The following OPCML variants were observed in gnomAD, a reference collection of about 807,000 sequenced individuals.
The protein encoded by OPCML is opioid binding protein/cell adhesion molecule like, also known as opioid-binding protein/cell adhesion molecule.
OPCML carries 13 observed loss-of-function variants against 37.8 expected under a neutral mutation model. The ratio of observed to expected loss-of-function variants is 0.34; its 90% CI spans 0.22 to 0.55. The LOEUF is 0.55. OPCML is among the 20% of genes least tolerant of loss of function. The pLI, the probability that OPCML is intolerant of heterozygous loss-of-function variation, is 0.91. For missense variants in OPCML, 341 were observed against 435.6 expected, an observed-to-expected ratio of 0.78 and a Z score of 1.93; for synonymous variants, 176 against 168.8, an observed-to-expected ratio of 1.04 and a Z score of -0.33.
intron 3 of OPCML, among the ~76,000 whole-genome samples, chr11:132,596,949 T>C (rs2096493356): frequency 6.6e-6 from 1 of 152,224 alleles, no homozygotes; most frequent in Non-Finnish European, 1.5e-5. Flanking sequence ...GCATACCTCC[T>C]TGAAGCACTT....
intron 1 of OPCML, among the ~76,000 whole-genome samples, chr11:133,384,247 CAAAAA>C (rs1186998875): frequency 2.4e-4 from 17 of 71,250 alleles, no homozygotes; most frequent in Non-Finnish European, 4.5e-4. Context: ...GGCCACTGTG[CAAAAA>C]AAAAAAAAAA....
At chr11:132,844,397 G>A (rs1484872315) in intron 2 of OPCML, among the ~76,000 whole-genome samples, 2 of 152,228 alleles carry the variant, frequency 1.3e-5, no homozygotes, top group Non-Finnish European at 2.9e-5. Flanking sequence ...GAAGCAATAA[G>A]AGATGAACTT....
chr11:133,098,496 T>G (rs1949037723), intron 1 of OPCML, among the ~76,000 whole-genome samples: 1 of 152,156 alleles, frequency 6.6e-6, no homozygotes, highest in South Asian at 2.1e-4. Flanking sequence ...ATTACAGGTG[T>G]GAGCCACTGT....
At chr11:132,839,640 G>C (rs1487889455) in intron 2 of OPCML, among the ~76,000 whole-genome samples, 1 of 152,066 alleles carries the variant, frequency 6.6e-6, no homozygotes, top group Non-Finnish European at 1.5e-5. Context: ...TGTTGTTGAC[G>C]CTGATTATTT....
At chr11:132,745,553 T>G (rs1183115259) in intron 2 of OPCML, among the ~76,000 whole-genome samples, 2 of 129,390 alleles carry the variant, frequency 1.5e-5, no homozygotes, top group African/African-American at 6.1e-5. Context: ...CAAAAGGCAT[T>G]GCTGTCTTGC....
intron 3 of OPCML, among the ~76,000 whole-genome samples, chr11:132,649,319 C>A (rs896804339): frequency 1.3e-5 from 2 of 152,066 alleles, no homozygotes; most frequent in African/African-American, 4.8e-5. Context: ...TGTCACCAAC[C>A]ACACACAATG....
intron 1 of OPCML, chr11:133,065,336 G>GC: frequency 6.6e-6 from 1 of 152,174 alleles, no homozygotes; most frequent in Non-Finnish European, 1.5e-5. Context: ...CGATGACGTG[G>GC]CCCCCGGGGT....
chr11:133,527,395 G>A (rs549204400), intron 1 of OPCML, among the ~76,000 whole-genome samples: 5 of 152,170 alleles, frequency 3.3e-5, no homozygotes, highest in Non-Finnish European at 5.9e-5. Context: ...TGTTTTACTC[G>A]ATTAATGATT....
intron 2 of OPCML, among the ~76,000 whole-genome samples, chr11:132,825,714 A>G (rs1221455292): frequency 6.6e-6 from 1 of 152,188 alleles, no homozygotes; most frequent in East Asian, 1.9e-4. Context: ...GCCCTTTAGC[A>G]TTCCCAGGGG....
chr11:132,978,123 C>T (rs1946504258), intron 1 of OPCML, among the ~76,000 whole-genome samples: 2 of 152,126 alleles, frequency 1.3e-5, no homozygotes, highest in African/African-American at 2.4e-5. Flanking sequence ...GGACCTCTGT[C>T]TGATAGTGGC....
chr11:133,256,236 A>G (rs911985794), intron 1 of OPCML, among the ~76,000 whole-genome samples: 2 of 152,220 alleles, frequency 1.3e-5, no homozygotes, highest in Non-Finnish European at 1.5e-5. Context: ...GATGAACCCA[A>G]CTGTTTGGAG....
At chr11:133,252,465 C>T (rs930545653) in intron 1 of OPCML, among the ~76,000 whole-genome samples, 3 of 152,114 alleles carry the variant, frequency 2.0e-5, no homozygotes, top group African/African-American at 7.2e-5. Context: ...AATCTGTCAC[C>T]CATCAGCAAC....
intron 1 of OPCML, among the ~76,000 whole-genome samples, chr11:132,987,728 G>A (rs930997835): frequency 2.6e-5 from 4 of 152,114 alleles, no homozygotes; most frequent in African/African-American, 9.7e-5. Flanking sequence ...GAAAAAGGAA[G>A]CATAGCGTCT....
At chr11:133,017,681 G>T (rs964850948) in intron 1 of OPCML, among the ~76,000 whole-genome samples, 1 of 152,132 alleles carries the variant, frequency 6.6e-6, no homozygotes, top group Non-Finnish European at 1.5e-5. Context: ...GAGCCACTGC[G>T]CCTGGCTTCT....
chr11:132,749,995 G>A (rs1224840009), intron 2 of OPCML, among the ~76,000 whole-genome samples: 1 of 152,202 alleles, frequency 6.6e-6, no homozygotes, highest in East Asian at 1.9e-4. Flanking sequence ...TGATTCTCCT[G>A]CCTCAGCCTC....
At chr11:132,525,498 C>A (rs1169085759) in intron 4 of OPCML, among the ~76,000 whole-genome samples, 1 of 152,156 alleles carries the variant, frequency 6.6e-6, no homozygotes, top group Non-Finnish European at 1.5e-5. Context: ...ACCTTTATTT[C>A]TTATTCTTCC....
chr11:133,020,300 C>T (rs75884648), intron 1 of OPCML, among the ~76,000 whole-genome samples: 267 of 152,286 alleles, frequency 1.8e-3, no homozygotes, highest in African/African-American at 5.7e-3. Flanking sequence ...ATTGCAAGCC[C>T]GCCTCAGCTG....
intron 1 of OPCML, among the ~76,000 whole-genome samples, chr11:132,974,988 A>G (rs7938703): frequency 0.29 from 44,261 of 151,352 alleles, 7,066 homozygotes; most frequent in Admixed American, 0.39. Flanking sequence ...TAATTCACTA[A>G]TCAGTCTCTT....
Position 133,126,037 on chromosome 11 carries a change from ATAC to A in OPCML, c.62-183030_62-183028del, listed in dbSNP as rs376845664. Among the ~76,000 whole-genome samples, 157 of 146,946 alleles carry A rather than the reference ATAC, an allele frequency of 1.1e-3. 1 individual carries two copies. The South Asian group carries it at 0.019, about 18-fold the overall frequency. On this transcript the variant is annotated intron_variant, in intron 1 of 7. Coordinates refer to ENST00000524381, the MANE Select transcript of OPCML (RefSeq NM_001012393.5). ...ATATGTGTATATATACACTATATAT[ATAC>A]TACATATACACATGTATATATATGT...
Sources: gnomAD v4.1 joint callset for allele counts (sites outside exome capture counted in the v4.1 genomes callset) on GRCh38, gnomAD v4.1.1 for gene constraint, MANE v1.5 for transcripts, NCBI Gene and HGNC (gene_info 2026-07-23, HGNC 2026-07-21) for gene names.